The following TNR variants were observed in gnomAD, a reference collection of about 807,000 sequenced individuals.
The protein encoded by TNR is tenascin R.
TNR carries 45 observed loss-of-function variants against 150.4 expected under a neutral mutation model. The ratio of observed to expected loss-of-function variants is 0.30; its 90% CI spans 0.24 to 0.38. The LOEUF (loss-of-function observed/expected upper bound fraction) is 0.38. Ranked by LOEUF, TNR falls within the 10% of genes least tolerant of loss-of-function variation. The pLI is 1.00. For synonymous variants in TNR, 687 were observed against 678.4 expected, an observed-to-expected ratio of 1.01 and a Z score of -0.20; for missense variants, 1,544 against 1,759.1, an observed-to-expected ratio of 0.88 and a Z score of 2.19.
chr1:175,386,918 G>C (rs1349875309), intron 7 of TNR, among the ~76,000 whole-genome samples: 1 of 152,168 alleles, frequency 6.6e-6, no homozygotes, highest in Non-Finnish European at 1.5e-5. Flanking sequence ...AGGATAAAAA[G>C]GACCCCAGCT....
intron 2 of TNR, among the ~76,000 whole-genome samples, chr1:175,488,946 T>C (rs985147119): frequency 6.6e-6 from 1 of 152,184 alleles, no homozygotes; most frequent in Non-Finnish European, 1.5e-5. Flanking sequence ...GACAAAGGCA[T>C]GTTCAGAATT....
intron 2 of TNR, among the ~76,000 whole-genome samples, chr1:175,439,021 C>A (rs1271266759): frequency 1.3e-5 from 2 of 152,176 alleles, no homozygotes; most frequent in Non-Finnish European, 2.9e-5. Flanking sequence ...TTGGAAAAAA[C>A]TACTTTAAAG....
At chr1:175,593,842 G>C (rs1293557262) in intron 1 of TNR, among the ~76,000 whole-genome samples, 1 of 152,166 alleles carries the variant, frequency 6.6e-6, no homozygotes, top group East Asian at 1.9e-4. Context: ...ACAGCACCAA[G>C]TGTCCTCCCA....
intron 2 of TNR, among the ~76,000 whole-genome samples, chr1:175,492,479 CA>C (rs1658300454): frequency 6.6e-6 from 1 of 152,132 alleles, no homozygotes; most frequent in Non-Finnish European, 1.5e-5. Flanking sequence ...TTGTTTCTAA[CA>C]AAGGTTTTCT....
chr1:175,467,289 C>G (rs1657077428), intron 2 of TNR, among the ~76,000 whole-genome samples: 1 of 152,146 alleles, frequency 6.6e-6, no homozygotes, highest in African/African-American at 2.4e-5. Context: ...TCTCCCACCC[C>G]ACCAGCAAGT....
chr1:175,635,356 T>C (rs1664461971), intron 1 of TNR, among the ~76,000 whole-genome samples: 1 of 152,254 alleles, frequency 6.6e-6, no homozygotes, highest in Admixed American at 6.5e-5. Context: ...GTGAATGACC[T>C]CTAGTAGTTT....
At chr1:175,464,015 C>A (rs922286660) in intron 2 of TNR, among the ~76,000 whole-genome samples, 17 of 152,160 alleles carry the variant, frequency 1.1e-4, no homozygotes, top group African/African-American at 4.1e-4. Context: ...GATATGCTGT[C>A]AAAAAGAATG....
chr1:175,604,599 T>A (rs556888072), intron 1 of TNR, among the ~76,000 whole-genome samples: 1 of 152,200 alleles, frequency 6.6e-6, no homozygotes, highest in African/African-American at 2.4e-5. Context: ...GCTGACTCCA[T>A]GGAGCTCCAG....
At chr1:175,331,526 G>C (rs1649934367) in intron 20 of TNR, among the ~76,000 whole-genome samples, 1 of 152,074 alleles carries the variant, frequency 6.6e-6, no homozygotes, top group Non-Finnish European at 1.5e-5. Flanking sequence ...GCCTCTCAAA[G>C]TGCTGGGATT....
At chr1:175,582,370 G>A (rs1662383859) in intron 1 of TNR, among the ~76,000 whole-genome samples, 1 of 152,202 alleles carries the variant, frequency 6.6e-6, no homozygotes, top group Non-Finnish European at 1.5e-5. Flanking sequence ...GCAAGAAAAG[G>A]CTGAAGGACT....
At chr1:175,537,789 G>T (rs530117181) in intron 1 of TNR, among the ~76,000 whole-genome samples, 2 of 152,298 alleles carry the variant, frequency 1.3e-5, no homozygotes, top group Non-Finnish European at 2.9e-5. Flanking sequence ...TAGCACCTAA[G>T]TCCCTCTCCC....
At chr1:175,430,321 T>C (rs1479360085) in intron 2 of TNR, among the ~76,000 whole-genome samples, 1 of 152,198 alleles carries the variant, frequency 6.6e-6, no homozygotes, top group Non-Finnish European at 1.5e-5. Flanking sequence ...TGCTGAATGG[T>C]AACCTAGATG....
chr1:175,431,198 G>T (rs1655245032), intron 2 of TNR, among the ~76,000 whole-genome samples: 1 of 152,094 alleles, frequency 6.6e-6, no homozygotes, highest in Non-Finnish European at 1.5e-5. Context: ...CCTTTAGGGA[G>T]GAATAAATCA....
chr1:175,670,942 T>C (rs1665679642), intron 1 of TNR, among the ~76,000 whole-genome samples: 1 of 152,104 alleles, frequency 6.6e-6, no homozygotes, highest in South Asian at 2.1e-4. Flanking sequence ...CTGAGAGTGC[T>C]CTGTGGGGGG....
At chr1:175,350,486 A>G (rs1408941487) in intron 18 of TNR, among the ~76,000 whole-genome samples, 1 of 152,250 alleles carries the variant, frequency 6.6e-6, no homozygotes, top group African/African-American at 2.4e-5. Flanking sequence ...AAAGACAAGT[A>G]GACCTTGGAT....
chr1:175,544,947 T>C (rs1326737947), intron 1 of TNR, among the ~76,000 whole-genome samples: 1 of 152,238 alleles, frequency 6.6e-6, no homozygotes, highest in East Asian at 1.9e-4. Flanking sequence ...TCTCTCTGTA[T>C]GGGTCAGTGT....
intron 2 of TNR, among the ~76,000 whole-genome samples, chr1:175,436,585 C>A (rs1196628682): frequency 6.6e-6 from 1 of 152,064 alleles, no homozygotes; most frequent in Non-Finnish European, 1.5e-5. Context: ...CACAGACTGG[C>A]AAATTGGATA....
At chr1:175,449,167 T>A (rs1013013088) in intron 2 of TNR, among the ~76,000 whole-genome samples, 3 of 152,232 alleles carry the variant, frequency 2.0e-5, no homozygotes, top group African/African-American at 4.8e-5. Context: ...AATTGCCATC[T>A]GCCCAAGCAG....
At chr1:175,424,387 T>C (rs1654880389) in intron 2 of TNR, among the ~76,000 whole-genome samples, 1 of 152,252 alleles carries the variant, frequency 6.6e-6, no homozygotes, top group Non-Finnish European at 1.5e-5. Flanking sequence ...TTTTCCCCTC[T>C]GCCCTGGCAC....
Sources: allele counts gnomAD v4.1 joint callset (sites outside exome capture counted in the v4.1 genomes callset), GRCh38; gene constraint gnomAD v4.1.1; transcripts MANE v1.5; gene names NCBI Gene and HGNC (gene_info 2026-07-23, HGNC 2026-07-21).